The following FAM83B variants were observed in gnomAD, a reference collection of about 807,000 sequenced individuals.
FAM83B encodes the protein protein FAM83B.
A neutral mutation model predicts 38.8 loss-of-function variants in FAM83B; 26 were observed. The observed-to-expected ratio is 0.67, with a 90% CI of 0.49 to 0.93. The LOEUF is 0.93. Among genes scored for constraint, FAM83B ranks in the 40% least tolerant of loss-of-function variants. The pLI is 0.00. For synonymous variants in FAM83B, 419 were observed against 423.1 expected, an observed-to-expected ratio of 0.99 and a Z score of 0.12; for missense variants, 1,237 against 1,197.3, an observed-to-expected ratio of 1.03 and a Z score of -0.49.
intron 2 of FAM83B, among the ~76,000 whole-genome samples, chr6:54,904,929 GA>G (rs1772745094): frequency 2.0e-5 from 3 of 152,140 alleles, no homozygotes; most frequent in African/African-American, 7.2e-5. Flanking sequence ...AGCAGAGAAA[GA>G]AAGGAGGAGG....
chr6:54,927,127 T>C (rs914289812), intron 3 of FAM83B, among the ~76,000 whole-genome samples: 2 of 152,176 alleles, frequency 1.3e-5, no homozygotes, highest in African/African-American at 4.8e-5. Flanking sequence ...GGTGCTTCTA[T>C]GGTTCAGCAT....
chr6:54,920,307 A>G (rs113624596), intron 2 of FAM83B, among the ~76,000 whole-genome samples: 47 of 151,804 alleles, frequency 3.1e-4, no homozygotes, highest in African/African-American at 1.0e-3. Flanking sequence ...GAATTTTGTT[A>G]TAATGTTATT....
intron 2 of FAM83B, among the ~76,000 whole-genome samples, chr6:54,916,869 T>C (rs1773054408): frequency 6.6e-6 from 1 of 152,220 alleles, no homozygotes; most frequent in South Asian, 2.1e-4. Context: ...TGTTGCTATC[T>C]TTCATCTGGC....
intron 2 of FAM83B, among the ~76,000 whole-genome samples, chr6:54,898,831 C>G (rs1281884625): frequency 6.6e-6 from 1 of 152,124 alleles, no homozygotes; most frequent in Non-Finnish European, 1.5e-5. Flanking sequence ...CATGCATGAT[C>G]TTTTGCTTGG....
rs1254602830 is a variant in FAM83B, at chr6:54,943,635, T to C, written c.*1628T>C. 1 of 152,110 alleles carries C rather than the reference T, an allele frequency of 6.6e-6. No individual in the cohort carries two copies. The highest frequency in any genetic ancestry group is 1.9e-4 in the East Asian group (1 of 5,180). The allele number at this position is 152,110 out of a possible 1,614,324, so 9.4% of individuals were successfully genotyped here. ...TTTAGAAACCATGAAAAAGAAAACA[T>C]AGCAGGAGAAAATATGACAGGAAAA... On this transcript the variant is annotated 3_prime_UTR_variant, in exon 5 of 5. Coordinates refer to ENST00000306858, the MANE Select transcript of FAM83B (RefSeq NM_001010872.3).
intron 1 of FAM83B, among the ~76,000 whole-genome samples, chr6:54,862,599 G>A (rs976231204): frequency 6.6e-6 from 1 of 152,070 alleles, no homozygotes; most frequent in Non-Finnish European, 1.5e-5. Flanking sequence ...GTCATTGGCC[G>A]GGCACGGTGC....
intron 4 of FAM83B, among the ~76,000 whole-genome samples, chr6:54,935,204 A>C (rs1021388669): frequency 6.6e-6 from 1 of 152,140 alleles, no homozygotes; most frequent in Non-Finnish European, 1.5e-5. Flanking sequence ...AGTGTTTACA[A>C]TATGCCAAGC....
intron 2 of FAM83B, among the ~76,000 whole-genome samples, chr6:54,879,720 G>C (rs1162495266): frequency 2.0e-5 from 3 of 152,166 alleles, no homozygotes; most frequent in Non-Finnish European, 4.4e-5. Context: ...GGGAAGTCAT[G>C]AGATGTTTTT....
chr6:54,899,013 T>C (rs951340383), intron 2 of FAM83B, among the ~76,000 whole-genome samples: 7 of 152,206 alleles, frequency 4.6e-5, no homozygotes, highest in Admixed American at 1.3e-4. Flanking sequence ...AATCAGGCAG[T>C]GACTCAAATC....
chr6:54,867,850 A>C (rs145794879), intron 1 of FAM83B, among the ~76,000 whole-genome samples: 2 of 152,282 alleles, frequency 1.3e-5, no homozygotes, highest in East Asian at 3.9e-4. Context: ...TAGGAATTCA[A>C]AAGTTACATT....
chr6:54,920,134 G>T (rs1773138081), intron 2 of FAM83B, among the ~76,000 whole-genome samples: 1 of 151,730 alleles, frequency 6.6e-6, no homozygotes. Flanking sequence ...GCTATAGAAG[G>T]ATTTGGGCCA....
At position 54,878,318 on chromosome 6, in the gene FAM83B, C is replaced by A. The variant is rs568613343; in HGVS notation, c.444+7628C>A. 1.8e-4 allele frequency among the ~76,000 whole-genome samples: 28 copies of A among 152,228 alleles called. No individual in the cohort carries two copies. In the South Asian group the frequency reaches 5.8e-3, roughly 32 times the overall value. On this transcript the variant is annotated intron_variant, in intron 2 of 4. Coordinates refer to ENST00000306858, the MANE Select transcript of FAM83B (RefSeq NM_001010872.3). ...ATAGGTGATTAAAGTACCAAAGAAA[C>A]CCTGCGTACCCTTGAATGAAGTTTA...
At chr6:54,911,140 C>CGTGTGTGTGTGTGT (rs138421344) in intron 2 of FAM83B, among the ~76,000 whole-genome samples, 12,238 of 147,388 alleles carry the variant, frequency 0.083, 636 homozygotes, top group Non-Finnish European at 0.11. Context: ...TGACACACAG[C>CGTGTGTGTGTGTGT]GTGTGTGTGT....
intron 2 of FAM83B, among the ~76,000 whole-genome samples, chr6:54,905,372 T>A (rs951600634): frequency 6.6e-6 from 1 of 152,138 alleles, no homozygotes; most frequent in African/African-American, 2.4e-5. Flanking sequence ...AACTTAAAAA[T>A]TGACAAATAA....
At chr6:54,913,902 T>TA (rs1297178721) in intron 2 of FAM83B, among the ~76,000 whole-genome samples, 6,428 of 150,372 alleles carry the variant, frequency 0.043, 460 homozygotes, top group African/African-American at 0.14. Flanking sequence ...TCTTTTTTTT[T>TA]TAAAAAAAAG....
At chr6:54,857,398 A>G (rs1207285240) in intron 1 of FAM83B, among the ~76,000 whole-genome samples, 1 of 152,138 alleles carries the variant, frequency 6.6e-6, no homozygotes, top group Non-Finnish European at 1.5e-5. Context: ...TTTGTTGTAA[A>G]TTATACTACA....
intron 2 of FAM83B, among the ~76,000 whole-genome samples, chr6:54,911,161 G>GTGTGTGTA (rs1191687498): frequency 6.6e-6 from 1 of 151,486 alleles, no homozygotes; most frequent in African/African-American, 2.4e-5. Context: ...GTGTGTGTGT[G>GTGTGTGTA]TGTGTATGTG....
intron 1 of FAM83B, among the ~76,000 whole-genome samples, chr6:54,847,222 T>C (rs1338124676): frequency 1.5e-5 from 2 of 133,980 alleles, no homozygotes; most frequent in Non-Finnish European, 3.0e-5. Context: ...GAGAGACCGC[T>C]GGGAAAAGTC....
intron 2 of FAM83B, among the ~76,000 whole-genome samples, chr6:54,894,449 A>G (rs933962380): frequency 3.3e-5 from 5 of 152,184 alleles, no homozygotes; most frequent in Non-Finnish European, 5.9e-5. Flanking sequence ...GTAACTTAAC[A>G]TATTTGTGTG....
Sources: allele counts gnomAD v4.1 joint callset (sites outside exome capture counted in the v4.1 genomes callset), GRCh38; gene constraint gnomAD v4.1.1; transcripts MANE v1.5; gene names NCBI Gene and HGNC (gene_info 2026-07-23, HGNC 2026-07-21).